POLR1D: variants seen among roughly 807,000 people sequenced by gnomAD.
POLR1D encodes RNA polymerase I and III subunit D, also known as DNA-directed RNA polymerases I and III subunit RPAC2.
Under a neutral mutation model 10.8 loss-of-function variants are expected in POLR1D, and 8 were observed. The ratio of observed to expected loss-of-function variants is 0.74; its 90% CI spans 0.43 to 1.33. POLR1D has a LOEUF of 1.33. POLR1D is among the 40% of genes most tolerant of loss of function. The pLI, the probability that POLR1D is intolerant of heterozygous loss-of-function variation, is 0.01. For synonymous variants in POLR1D, 54 were observed against 57.2 expected, an observed-to-expected ratio of 0.94 and a Z score of 0.25; for missense variants, 152 against 161.7, an observed-to-expected ratio of 0.94 and a Z score of 0.32.
chr13:27,659,387 G>A (rs667374), intron 2 of POLR1D, among the ~76,000 whole-genome samples: 45,414 of 152,074 alleles, frequency 0.3, 7,981 homozygotes, highest in Admixed American at 0.43. Flanking sequence ...CAGACGATTC[G>A]TGGAGGAGGC....
intron 1 of POLR1D, among the ~76,000 whole-genome samples, chr13:27,630,399 A>G (rs1300286092): frequency 2.0e-5 from 3 of 152,200 alleles, no homozygotes; most frequent in African/African-American, 4.8e-5. Context: ...TGGAGCATCT[A>G]ATTACACAGA....
chr13:27,665,328 C>CA (rs1372138877), intron 2 of POLR1D: 7 of 225,510 alleles, frequency 3.1e-5, no homozygotes, highest in Non-Finnish European at 5.3e-5. Flanking sequence ...AAATTTAATC[C>CA]AAAATAAGTT....
chr13:27,660,820 G>A (rs1956356402), intron 2 of POLR1D: 1 of 152,314 alleles, frequency 6.6e-6, no homozygotes, highest in Non-Finnish European at 1.5e-5. Flanking sequence ...ACTAGCTTGG[G>A]ATGTGGATAG....
chr13:27,654,321 T>A (rs1223463279), intron 2 of POLR1D, among the ~76,000 whole-genome samples: 1 of 152,256 alleles, frequency 6.6e-6, no homozygotes, highest in Admixed American at 6.5e-5. Flanking sequence ...TCATCATTGG[T>A]CATCTGGAAA....
In POLR1D at chr13:27,622,955, A is replaced by G. The variant is rs1399388625; in HGVS notation, c.107A>G (p.Asp36Gly). The G allele has an allele frequency of 6.2e-7, 1 of 1,613,812 alleles. No homozygotes were observed. The highest frequency in any genetic ancestry group is 8.5e-7 in the Non-Finnish European group (1 of 1,179,660). ...GAAATGGTCCAGGCAGCTGGAACAG[A>G]TAGACACTGTGTGACATTTGTATTG... The part of the protein sequence containing the change: ...ALEMVQAAGT[D>G]RHCVTFVLHE... The change falls in exon 2 of 2, where the codon GAT becomes GGT. Residue 36 changes from aspartate (D) to glycine (G), a missense_variant. Coordinates refer to ENST00000302979, the MANE Select transcript of POLR1D (RefSeq NM_015972.4).
chr13:27,623,089 A>C lies in POLR1D; in HGVS notation c.241A>C (p.Asn81His). Residue 81 changes from asparagine (N) to histidine (H), a missense_variant, in exon 2 of 2, where the codon AAT becomes CAT. Asn to His is a moderately conservative substitution (Grantham distance 68). Coordinates refer to ENST00000302979, the MANE Select transcript of POLR1D (RefSeq NM_015972.4). Reference protein sequence around the residue: ...TTTHPSESKINLRIQTRGTLP... With the variant: ...TTTHPSESKIHLRIQTRGTLP... ...GACCCATCCTTCAGAGAGCAAAATT[A>C]ATTTACGCATTCAGACTCGAGGTAC... 6.2e-7 allele frequency: 1 copy of C among 1,614,206 alleles called. No individual in the cohort carries two copies. Among genetic ancestry groups the C allele is most frequent in the Admixed American group, 1.7e-5 (1 of 60,034 alleles).
At chr13:27,627,874 G>A (rs1198820328), downstream of POLR1D, among the ~76,000 whole-genome samples, 1 of 102,766 alleles carries the variant, frequency 9.7e-6, no homozygotes, top group Non-Finnish European at 2.2e-5. Flanking sequence ...GGAGATAAAA[G>A]GATGGATACA....
intron 1 of POLR1D, among the ~76,000 whole-genome samples, chr13:27,629,670 G>T (rs940913289): frequency 2.6e-5 from 4 of 152,068 alleles, no homozygotes; most frequent in African/African-American, 9.7e-5. Context: ...TTATTAATAG[G>T]ATATAGAGAA....
downstream of POLR1D, among the ~76,000 whole-genome samples, chr13:27,626,752 T>C (rs1365601258): frequency 6.6e-6 from 1 of 152,224 alleles, no homozygotes; most frequent in Non-Finnish European, 1.5e-5. Context: ...TACCAAAGGC[T>C]TTTAACATGT....
intron 2 of POLR1D, chr13:27,650,875 C>G (rs1284731789): frequency 3.9e-5 from 6 of 152,020 alleles, no homozygotes. Flanking sequence ...GCTAGAGCAC[C>G]AAATCACTAT....
upstream of POLR1D, chr13:27,621,888 C>A (rs535423507): frequency 1.5e-6 from 2 of 1,324,518 alleles, no homozygotes; most frequent in East Asian, 2.5e-5. Context: ...TTCCGTCGGT[C>A]GGTCCTTGCT....
upstream of POLR1D, chr13:27,621,878 TTCCG>T: frequency 1.6e-6 from 2 of 1,233,090 alleles, 1 homozygote; most frequent in Middle Eastern, 3.7e-4. Flanking sequence ...CCTCCGCGCC[TTCCG>T]TCGGTCGGTC....
exon 3 of POLR1D, chr13:27,666,009 TGTGCGGA>T: frequency 6.5e-7 from 1 of 1,538,874 alleles, no homozygotes; most frequent in Non-Finnish European, 8.9e-7. Context: ...CGGGGTGCGG[TGTGCGGA>T]GAAGGCCTGA....
intron 2 of POLR1D, among the ~76,000 whole-genome samples, chr13:27,659,945 CACAT>C (rs747106742): frequency 7.3e-5 from 11 of 150,566 alleles, no homozygotes; most frequent in East Asian, 1.9e-4. Context: ...TACACACACA[CACAT>C]ACATATACAG....
intron 1 of POLR1D, among the ~76,000 whole-genome samples, chr13:27,642,613 G>GATCTT (rs1281802063): frequency 1.4e-3 from 219 of 151,944 alleles, no homozygotes; most frequent in African/African-American, 4.9e-3. Flanking sequence ...CACATACCCA[G>GATCTT]AACCCATTTA....
intron 2 of POLR1D, among the ~76,000 whole-genome samples, chr13:27,658,662 C>T (rs1451956710): frequency 6.6e-6 from 1 of 152,024 alleles, no homozygotes; most frequent in East Asian, 1.9e-4. Context: ...AAGAAAGAGA[C>T]CATTTGGTGC....
chr13:27,621,793 T>TG (rs1423307050), upstream of POLR1D: 22 of 478,722 alleles, frequency 4.6e-5, no homozygotes, highest in African/African-American at 1.4e-4. Context: ...GGGCGGGGGC[T>TG]GGGGGTGGAG....
chr13:27,648,414 G>C (rs1215916836), exon 2 of POLR1D: 1 of 1,611,160 alleles, frequency 6.2e-7, no homozygotes, highest in Non-Finnish European at 8.5e-7. Context: ...GAGGCAAAAC[G>C]TGGGAAAACT....
At chr13:27,664,271 G>A (rs1252839571) in intron 2 of POLR1D, among the ~76,000 whole-genome samples, 1 of 152,216 alleles carries the variant, frequency 6.6e-6, no homozygotes, top group Admixed American at 6.5e-5. Flanking sequence ...GCTCTGTGAA[G>A]CTCTATAGTT....
Sources: allele counts gnomAD v4.1 joint callset (sites outside exome capture counted in the v4.1 genomes callset), GRCh38; gene constraint gnomAD v4.1.1; transcripts MANE v1.5; gene names NCBI Gene and HGNC (gene_info 2026-07-23, HGNC 2026-07-21).